The following CNTN5 variants were observed in gnomAD, a reference collection of about 807,000 sequenced individuals.
The protein encoded by CNTN5 is contactin 5, also known as contactin-5.
CNTN5 carries 77 observed loss-of-function variants against 129.1 expected under a neutral mutation model. The observed-to-expected ratio is 0.60, with a 90% CI of 0.50 to 0.72. CNTN5 has a LOEUF of 0.72. CNTN5 is among the 30% of genes least tolerant of loss of function. The pLI is 0.00. For synonymous variants in CNTN5, 509 were observed against 465.6 expected, an observed-to-expected ratio of 1.09 and a Z score of -1.20; for missense variants, 1,478 against 1,328.8, an observed-to-expected ratio of 1.11 and a Z score of -1.75.
chr11:99,992,512 A>T (rs900313304), intron 8 of CNTN5, among the ~76,000 whole-genome samples: 2 of 152,218 alleles, frequency 1.3e-5, no homozygotes, highest in South Asian at 2.1e-4. Flanking sequence ...AGAAAGGTCC[A>T]TTCTTGAATT....
chr11:99,847,297 A>G (rs1947731062), intron 6 of CNTN5, among the ~76,000 whole-genome samples: 1 of 152,256 alleles, frequency 6.6e-6, no homozygotes, highest in African/African-American at 2.4e-5. Context: ...TAGTTGTCAA[A>G]TACACTCATC....
At chr11:100,040,655 A>T (rs1207424683) in intron 9 of CNTN5, among the ~76,000 whole-genome samples, 1 of 152,076 alleles carries the variant, frequency 6.6e-6, no homozygotes, top group Admixed American at 6.5e-5. Flanking sequence ...TTACCTAATC[A>T]AACAACTAAC....
At chr11:99,433,277 A>G (rs963212498) in intron 2 of CNTN5, among the ~76,000 whole-genome samples, 15 of 152,102 alleles carry the variant, frequency 9.9e-5, no homozygotes, top group African/African-American at 3.6e-4. Flanking sequence ...TGTTGAAAAT[A>G]TAAGTAATTT....
chr11:99,023,965 G>T (rs532083288), intron 1 of CNTN5, among the ~76,000 whole-genome samples: 1 of 152,136 alleles, frequency 6.6e-6, no homozygotes, highest in Admixed American at 6.6e-5. Flanking sequence ...TAAGAACCGT[G>T]TTGTAAGGCT....
chr11:99,406,577 G>T (rs1942077583), intron 2 of CNTN5, among the ~76,000 whole-genome samples: 1 of 152,124 alleles, frequency 6.6e-6, no homozygotes, highest in Admixed American at 6.5e-5. Flanking sequence ...CTCATTCAAA[G>T]CCCTGGGGCT....
intron 2 of CNTN5, among the ~76,000 whole-genome samples, chr11:99,341,032 T>C (rs1244539153): frequency 1.3e-5 from 2 of 152,186 alleles, no homozygotes; most frequent in African/African-American, 4.8e-5. Flanking sequence ...ATACTTGATA[T>C]CTTATAAAGC....
intron 6 of CNTN5, among the ~76,000 whole-genome samples, chr11:99,902,661 A>T (rs1453586): frequency 0.97 from 147,520 of 152,232 alleles, 71,565 homozygotes; most frequent in Non-Finnish European, 0.99. Context: ...CTCAAGAATT[A>T]ATTTATATAA....
At chr11:99,159,547 G>T (rs527383763) in intron 1 of CNTN5, among the ~76,000 whole-genome samples, 3 of 152,122 alleles carry the variant, frequency 2.0e-5, no homozygotes, top group Non-Finnish European at 2.9e-5. Flanking sequence ...GCGTGAACCC[G>T]GGAGGTGGAG....
chr11:99,200,051 T>G (rs1477184567), intron 1 of CNTN5, among the ~76,000 whole-genome samples: 2 of 152,202 alleles, frequency 1.3e-5, no homozygotes, highest in East Asian at 3.9e-4. Flanking sequence ...TTCCCAATAC[T>G]ATACAGATTA....
At chr11:100,157,409 A>C (rs1209128175) in intron 13 of CNTN5, among the ~76,000 whole-genome samples, 1 of 151,890 alleles carries the variant, frequency 6.6e-6, no homozygotes. Context: ...AAATATGCTA[A>C]AATGGGCAGA....
chr11:99,254,652 G>A (rs1862284557), intron 1 of CNTN5, among the ~76,000 whole-genome samples: 1 of 151,710 alleles, frequency 6.6e-6, no homozygotes, highest in Non-Finnish European at 1.5e-5. Flanking sequence ...AGTAATTTTA[G>A]TTTCATGATA....
chr11:99,668,376 A>G (rs777434627), intron 3 of CNTN5, among the ~76,000 whole-genome samples: 50 of 152,132 alleles, frequency 3.3e-4, no homozygotes, highest in Admixed American at 1.3e-4. Context: ...AGTGGATGTC[A>G]GTCCTGGAGT....
At chr11:99,539,555 G>A (rs927365218) in intron 2 of CNTN5, among the ~76,000 whole-genome samples, 1 of 151,806 alleles carries the variant, frequency 6.6e-6, no homozygotes, top group South Asian at 2.1e-4. Context: ...TTTCATGTAA[G>A]TATCATAAAA....
chr11:99,617,397 T>G (rs1245552190), intron 3 of CNTN5, among the ~76,000 whole-genome samples: 1 of 152,198 alleles, frequency 6.6e-6, no homozygotes, highest in Non-Finnish European at 1.5e-5. Context: ...TTAGTGCAGA[T>G]GTTTGTTACA....
In CNTN5 at chr11:99,992,345, A is replaced by G. The variant is rs77561291; in HGVS notation, c.878-9689A>G. ...TCAGCTCTGCTGGGAGTACCAGCACATACAGGTTGAATATAATTTGCCTTA... is the reference window on the plus strand; with the variant it reads ...TCAGCTCTGCTGGGAGTACCAGCACGTACAGGTTGAATATAATTTGCCTTA... On this transcript the variant is annotated intron_variant, in intron 8 of 24. Transcript: ENST00000524871. 8.2e-3 allele frequency among the ~76,000 whole-genome samples: 1,245 copies of G among 152,328 alleles called. 13 individuals carry two copies. Among genetic ancestry groups the G allele is most frequent in the East Asian group, 0.03 (156 of 5,182 alleles).
At chr11:100,342,152 G>GACACAGACACACACAC (rs149973364) in intron 23 of CNTN5, among the ~76,000 whole-genome samples, 3 of 147,006 alleles carry the variant, frequency 2.0e-5, no homozygotes, top group African/African-American at 7.6e-5. Context: ...ATAGATCACA[G>GACACAGACACACACAC]ACACACACAC....
At chr11:99,484,116 A>T (rs1017708561) in intron 2 of CNTN5, among the ~76,000 whole-genome samples, 1 of 152,164 alleles carries the variant, frequency 6.6e-6, no homozygotes, top group Non-Finnish European at 1.5e-5. Context: ...GAATGAAATA[A>T]CAATGATCTG....
intron 1 of CNTN5, among the ~76,000 whole-genome samples, chr11:99,073,360 CTCTT>C (rs1865417242): frequency 8.2e-6 from 1 of 121,426 alleles, no homozygotes; most frequent in South Asian, 2.7e-4. Context: ...ACTGGTATGT[CTCTT>C]TATGGTTTGG....
chr11:99,322,325 T>C (rs1591520705), intron 1 of CNTN5, among the ~76,000 whole-genome samples: 1 of 152,170 alleles, frequency 6.6e-6, no homozygotes, highest in Non-Finnish European at 1.5e-5. Flanking sequence ...AGAGCACCAA[T>C]GATGTATCAC....
Sources: allele counts gnomAD v4.1 joint callset (sites outside exome capture counted in the v4.1 genomes callset), GRCh38; gene constraint gnomAD v4.1.1; transcripts MANE v1.5; gene names NCBI Gene and HGNC (gene_info 2026-07-23, HGNC 2026-07-21).